CNTN5: variants seen among roughly 807,000 people sequenced by gnomAD.
The protein encoded by CNTN5 is contactin-5.
In CNTN5, 77 loss-of-function variants were observed where a neutral mutation model predicts 129.1. The observed-to-expected ratio is 0.60, with a 90% confidence interval of 0.50 to 0.72. The LOEUF is 0.72. Among genes scored for constraint, CNTN5 ranks in the 30% least tolerant of loss-of-function variants. CNTN5 has a pLI of 0.00. For synonymous variants in CNTN5, 509 were observed against 465.6 expected (o/e 1.09, Z -1.20); for missense variants, 1,478 against 1,328.8 (o/e 1.11, Z -1.75).
chr11:100,038,623 A>C (rs934409333), intron 9 of CNTN5, among the ~76,000 whole-genome samples: 30 of 152,116 alleles, frequency 2.0e-4, no homozygotes, highest in East Asian at 1.7e-3. Context: ...GTAGGTCACT[A>C]AGGACTTGCT....
intron 6 of CNTN5, among the ~76,000 whole-genome samples, chr11:99,852,612 G>A (rs1282109448): frequency 6.6e-6 from 1 of 151,952 alleles, no homozygotes; most frequent in Non-Finnish European, 1.5e-5. Flanking sequence ...AACCAAACAG[G>A]TACTTTCATT....
At chr11:100,328,878 T>C (rs1382587995) in intron 21 of CNTN5, among the ~76,000 whole-genome samples, 1 of 152,206 alleles carries the variant, frequency 6.6e-6, no homozygotes, top group Non-Finnish European at 1.5e-5. Context: ...GGTGAACTTG[T>C]GCTCCAAGAA....
intron 3 of CNTN5, among the ~76,000 whole-genome samples, chr11:99,708,890 A>G (rs534899352): frequency 5.3e-4 from 80 of 151,694 alleles, no homozygotes; most frequent in Non-Finnish European, 9.9e-4. Flanking sequence ...TTTCCCTTAT[A>G]CTAGTCCTGT....
At chr11:99,683,206 A>C (rs66915547) in intron 3 of CNTN5, among the ~76,000 whole-genome samples, 23,925 of 151,686 alleles carry the variant, frequency 0.16, 2,010 homozygotes, top group Admixed American at 0.2. Context: ...ATCATGTTTC[A>C]GAAATCTCCC....
chr11:99,620,039 A>G (rs563716145), intron 3 of CNTN5, among the ~76,000 whole-genome samples: 1 of 148,750 alleles, frequency 6.7e-6, no homozygotes, highest in African/African-American at 2.4e-5. Context: ...AAAAAAAAAC[A>G]AAAAACAAAG....
At chr11:99,791,958 A>T (rs1186322909) in intron 3 of CNTN5, among the ~76,000 whole-genome samples, 1 of 152,114 alleles carries the variant, frequency 6.6e-6, no homozygotes, top group African/African-American at 2.4e-5. Context: ...TTTAATTTGT[A>T]TCCTGAAACT....
intron 7 of CNTN5, among the ~76,000 whole-genome samples, chr11:99,936,563 C>A (rs1470619565): frequency 6.6e-6 from 1 of 151,904 alleles, no homozygotes; most frequent in African/African-American, 2.4e-5. Context: ...TGTATGTAAA[C>A]CTTATTAAAA....
intron 3 of CNTN5, among the ~76,000 whole-genome samples, chr11:99,665,776 C>T (rs1185766349): frequency 7.9e-5 from 12 of 151,842 alleles, no homozygotes; most frequent in East Asian, 1.9e-4. Flanking sequence ...TGTGAGCCAC[C>T]GCGCCTGGCC....
intron 3 of CNTN5, among the ~76,000 whole-genome samples, chr11:99,664,056 G>A (rs761712639): frequency 2.0e-5 from 3 of 152,226 alleles, no homozygotes; most frequent in Non-Finnish European, 4.4e-5. Context: ...TATTGGAACG[G>A]CGCGGGTAGA....
chr11:99,951,251 C>A (rs1465282868), intron 7 of CNTN5, among the ~76,000 whole-genome samples: 6 of 142,760 alleles, frequency 4.2e-5, no homozygotes, highest in Non-Finnish European at 7.7e-5. Flanking sequence ...GGCGCACAGA[C>A]CAAGGGAAGA....
intron 20 of CNTN5, among the ~76,000 whole-genome samples, chr11:100,306,545 G>T (rs977376494): frequency 1.3e-5 from 2 of 151,606 alleles, no homozygotes; most frequent in Non-Finnish European, 3.0e-5. Flanking sequence ...AAACTGCTAC[G>T]GAATAGCAAA....
At chr11:99,772,346 T>C (rs1482469930) in intron 3 of CNTN5, among the ~76,000 whole-genome samples, 1 of 152,066 alleles carries the variant, frequency 6.6e-6, no homozygotes, top group Non-Finnish European at 1.5e-5. Flanking sequence ...GCGTTATTTG[T>C]TTTACATTTT....
chr11:99,975,699 T>C (rs1025925502), intron 8 of CNTN5, among the ~76,000 whole-genome samples: 2 of 152,014 alleles, frequency 1.3e-5, no homozygotes, highest in African/African-American at 4.8e-5. Flanking sequence ...ATGAGAACTC[T>C]ACCACCCCCC....
chr11:99,999,318 C>G lies in CNTN5; in HGVS notation c.878-2716C>G, dbSNP rs530781778. ...CTCCAACAAATTTACAAGAAAAAAA[C>G]AAAGAACCCCATCAAAAAGTGGGCG... On this transcript the variant is annotated intron_variant, in intron 8 of 24. Coordinates refer to ENST00000524871, the MANE Select transcript of CNTN5 (RefSeq NM_014361.4). Among the ~76,000 whole-genome samples the G allele has an allele frequency of 1.1e-4, 17 of 152,192 alleles. No homozygotes were observed. The South Asian group carries it at 3.1e-3, about 28-fold the overall frequency.
At chr11:99,937,698 T>C (rs1162867727) in intron 7 of CNTN5, among the ~76,000 whole-genome samples, 2 of 152,146 alleles carry the variant, frequency 1.3e-5, no homozygotes, top group Admixed American at 1.3e-4. Context: ...GGACATGAAC[T>C]CTCTCTCAGC....
At chr11:99,971,609 C>G (rs1279375534) in intron 8 of CNTN5, among the ~76,000 whole-genome samples, 1 of 151,728 alleles carries the variant, frequency 6.6e-6, no homozygotes, top group East Asian at 1.9e-4. Flanking sequence ...CCAGCCCTAA[C>G]TCGATCTCTA....
rs575959072 is a variant in CNTN5, at chr11:100,149,872, C to T, written c.1581-41254C>T. On this transcript the variant is annotated intron_variant, in intron 13 of 24. Transcript: ENST00000524871. ...TTGTGCCACTGCATTCCAGCCTGGG[C>T]GACAGGGTGAGACTCCATCTCAAAA... Among the ~76,000 whole-genome samples, 74 of 130,764 alleles carry T rather than the reference C, an allele frequency of 5.7e-4. 1 individual carries two copies. Among genetic ancestry groups the T allele is most frequent in the Admixed American group, 1.6e-3 (18 of 11,412 alleles). The allele number at this position is 130,764 out of a possible 152,430, so 85.8% of individuals were successfully genotyped here.
chr11:100,158,477 T>C (rs1459984519), intron 13 of CNTN5, among the ~76,000 whole-genome samples: 1 of 151,934 alleles, frequency 6.6e-6, no homozygotes, highest in Non-Finnish European at 1.5e-5. Context: ...TTTGAATATA[T>C]ACCATTTTGT....
At position 99,378,690 on chromosome 11, in the gene CNTN5, G is replaced by A. The variant is rs140894671; in HGVS notation, c.-71+53206G>A. Among the ~76,000 whole-genome samples, 294 of 152,128 alleles carry A rather than the reference G, an allele frequency of 1.9e-3. 3 individuals are homozygous for A. Among genetic ancestry groups the A allele is most frequent in the African/African-American group, 6.8e-3 (283 of 41,526 alleles). ...GAAAGGATAAGTAAAATTGGTGAAT[G>A]TACTCTGTAGTATGGATGACTATAT... On this transcript the variant is annotated intron_variant, in intron 2 of 24. Coordinates refer to ENST00000524871, the MANE Select transcript of CNTN5 (RefSeq NM_014361.4).
Sources: allele counts gnomAD v4.1 joint callset (sites outside exome capture counted in the v4.1 genomes callset), GRCh38; gene constraint gnomAD v4.1.1; transcripts MANE v1.5; gene names NCBI Gene and HGNC (gene_info 2026-07-23, HGNC 2026-07-21).